Variants in ADARB2 observed in about 807,000 individuals in gnomAD.
ADARB2 encodes the protein inactive double-stranded RNA-specific editase B2.
Under a neutral mutation model 62.2 loss-of-function variants are expected in ADARB2, and 25 were observed. The ratio of observed to expected loss-of-function variants is 0.40; its 90% CI spans 0.29 to 0.56. The LOEUF (loss-of-function observed/expected upper bound fraction) is 0.56. Ranked by LOEUF, ADARB2 falls within the 20% of genes least tolerant of loss-of-function variation. ADARB2 has a pLI of 0.43. For synonymous variants in ADARB2, 572 were observed against 500.8 expected, an observed-to-expected ratio of 1.14 and a Z score of -1.90; for missense variants, 1,071 against 1,077.4, an observed-to-expected ratio of 0.99 and a Z score of 0.08.
intron 1 of ADARB2, among the ~76,000 whole-genome samples, chr10:1,601,113 C>T (rs1049006430): frequency 1.8e-4 from 27 of 152,298 alleles, no homozygotes; most frequent in African/African-American, 4.8e-4. Flanking sequence ...GGCCACAGAC[C>T]GGCTGCTCAG....
In ADARB2 at chr10:1,626,685, A is replaced by T. The variant is rs180758634; in HGVS notation, c.100+110366T>A. Among the ~76,000 whole-genome samples, 154 of 152,280 alleles carry T rather than the reference A, an allele frequency of 1.0e-3. 1 individual carries two copies. The highest frequency in any genetic ancestry group is 3.3e-3 in the African/African-American group (139 of 41,560). ...CATGGAAGAACGTGAATGACTTGCCAGGGCCATGGGCAGAGGGAAGGTGGC... is the reference window on the plus strand; with the variant it reads ...CATGGAAGAACGTGAATGACTTGCCTGGGCCATGGGCAGAGGGAAGGTGGC... On this transcript the variant is annotated intron_variant, in intron 1 of 9. Transcript: ENST00000381312.
rs141084423 is a variant in ADARB2 at position 1,445,880 on chromosome 10, A to G, written c.101-66720T>C. ...TGGATAAGATAGTTATGCAATGTAA[A>G]TGACAAAACTCTATAGTGGGTCATT... On this transcript the variant is annotated intron_variant, in intron 1 of 9. Coordinates refer to ENST00000381312, the MANE Select transcript of ADARB2 (RefSeq NM_018702.4). 3.3e-3 allele frequency among the ~76,000 whole-genome samples: 510 copies of G among 152,362 alleles called. 4 individuals carry two copies. Among genetic ancestry groups the G allele is most frequent in the African/African-American group, 0.011 (467 of 41,596 alleles).
intron 1 of ADARB2, among the ~76,000 whole-genome samples, chr10:1,615,215 T>A (rs1473499772): frequency 6.6e-6 from 1 of 152,246 alleles, no homozygotes; most frequent in Non-Finnish European, 1.5e-5. Flanking sequence ...CTTAGTGGTC[T>A]GTCTGCCTCC....
intron 1 of ADARB2, among the ~76,000 whole-genome samples, chr10:1,454,139 C>T (rs776798118): frequency 1.9e-4 from 29 of 152,216 alleles, no homozygotes; most frequent in Non-Finnish European, 2.9e-4. Flanking sequence ...TCTTACATGG[C>T]GGCAGGTAGG....
chr10:1,404,470 G>T (rs1462643492), intron 1 of ADARB2, among the ~76,000 whole-genome samples: 7 of 152,356 alleles, frequency 4.6e-5, no homozygotes, highest in South Asian at 4.1e-4. Flanking sequence ...GCGTGGTGAT[G>T]AGTGCGCAAG....
At chr10:1,193,039 G>A (rs1260523087) in intron 8 of ADARB2, among the ~76,000 whole-genome samples, 1 of 152,376 alleles carries the variant, frequency 6.6e-6, no homozygotes, top group South Asian at 2.1e-4. Context: ...CTTCCCTCAT[G>A]TGACTGGTTT....
At chr10:1,406,191 A>T (rs1021115071) in intron 1 of ADARB2, among the ~76,000 whole-genome samples, 1 of 152,210 alleles carries the variant, frequency 6.6e-6, no homozygotes, top group Non-Finnish European at 1.5e-5. Context: ...TGTGGATTGC[A>T]ATGTCACCCT....
chr10:1,618,921 C>A (rs1822294629), intron 1 of ADARB2, among the ~76,000 whole-genome samples: 1 of 152,130 alleles, frequency 6.6e-6, no homozygotes, highest in Non-Finnish European at 1.5e-5. Flanking sequence ...ACAGCTGAAA[C>A]CCCTGCCCCC....
At chr10:1,326,440 A>T (rs1371114701) in intron 3 of ADARB2, among the ~76,000 whole-genome samples, 1 of 152,164 alleles carries the variant, frequency 6.6e-6, no homozygotes, top group African/African-American at 2.4e-5. Context: ...GAAAGGCGAG[A>T]CCCCACGAGG....
intron 1 of ADARB2, among the ~76,000 whole-genome samples, chr10:1,478,906 A>T (rs1319083164): frequency 6.6e-6 from 1 of 152,198 alleles, no homozygotes; most frequent in East Asian, 1.9e-4. Flanking sequence ...GGGAACCCTC[A>T]GGTGGGAGAG....
chr10:1,564,989 C>G (rs1005849502), intron 1 of ADARB2, among the ~76,000 whole-genome samples: 3 of 152,182 alleles, frequency 2.0e-5, no homozygotes, highest in African/African-American at 7.2e-5. Flanking sequence ...GACCTGCATC[C>G]CACCTGGCCT....
chr10:1,617,979 C>T (rs1017091788), intron 1 of ADARB2, among the ~76,000 whole-genome samples: 15 of 152,206 alleles, frequency 9.9e-5, no homozygotes, highest in African/African-American at 2.9e-4. Context: ...GAATTGCTGT[C>T]CACTTTTTTC....
chr10:1,435,149 A>G (rs531842696), intron 1 of ADARB2, among the ~76,000 whole-genome samples: 3 of 152,350 alleles, frequency 2.0e-5, no homozygotes, highest in South Asian at 2.1e-4. Flanking sequence ...TGTGCCTCCA[A>G]TGAGAGGTGT....
chr10:1,260,408 G>A (rs369383408), intron 4 of ADARB2, among the ~76,000 whole-genome samples: 3 of 151,656 alleles, frequency 2.0e-5, no homozygotes. Context: ...AAACCCCATT[G>A]TCTCAGCCCA....
chr10:1,669,348 C>T (rs1588345702), intron 1 of ADARB2, among the ~76,000 whole-genome samples: 1 of 152,194 alleles, frequency 6.6e-6, no homozygotes, highest in African/African-American at 2.4e-5. Flanking sequence ...GAAAGTCAGG[C>T]TCCCTGGAAG....
At chr10:1,211,414 T>A (rs1246645007) in intron 7 of ADARB2, among the ~76,000 whole-genome samples, 2 of 152,214 alleles carry the variant, frequency 1.3e-5, no homozygotes, top group African/African-American at 2.4e-5. Context: ...TCGATCTATG[T>A]ATGCCTGCTA....
At chr10:1,645,795 C>T (rs538797278) in intron 1 of ADARB2, among the ~76,000 whole-genome samples, 36 of 152,296 alleles carry the variant, frequency 2.4e-4, no homozygotes, top group Non-Finnish European at 3.7e-4. Flanking sequence ...TTCACTTTAA[C>T]GCCTATACTC....
At chr10:1,709,467 A>T (rs936836510) in intron 1 of ADARB2, among the ~76,000 whole-genome samples, 1 of 152,264 alleles carries the variant, frequency 6.6e-6, no homozygotes, top group Admixed American at 6.5e-5. Context: ...ATGAGCAAGC[A>T]GCAAGGTTTG....
intron 8 of ADARB2, among the ~76,000 whole-genome samples, chr10:1,187,550 T>A (rs1836777182): frequency 6.6e-6 from 1 of 152,262 alleles, no homozygotes; most frequent in South Asian, 2.1e-4. Context: ...CTTGTCAGGA[T>A]GCCCTGGCTC....
Sources: gnomAD v4.1 joint callset for allele counts (sites outside exome capture counted in the v4.1 genomes callset) on GRCh38, gnomAD v4.1.1 for gene constraint, MANE v1.5 for transcripts, NCBI Gene and HGNC (gene_info 2026-07-23, HGNC 2026-07-21) for gene names.